The following TAFA1 variants were observed in gnomAD, a reference collection of about 807,000 sequenced individuals.
TAFA1 encodes TAFA chemokine like family member 1, also known as chemokine-like protein TAFA-1.
TAFA1 carries 4 observed loss-of-function variants against 18.5 expected under a neutral mutation model. That is an observed-to-expected ratio of 0.22 (90% CI 0.11 to 0.49). The LOEUF (loss-of-function observed/expected upper bound fraction) is 0.49, where lower values mean the gene tolerates loss of function less well. Among genes scored for constraint, TAFA1 ranks in the 20% least tolerant of loss-of-function variants. TAFA1 has a pLI of 0.98. For synonymous variants in TAFA1, 56 were observed against 55.2 expected, an observed-to-expected ratio of 1.01 and a Z score of -0.06; for missense variants, 147 against 169.0, an observed-to-expected ratio of 0.87 and a Z score of 0.72.
chr3:68,217,787 T>TA (rs11421425), intron 2 of TAFA1, among the ~76,000 whole-genome samples: 2,086 of 152,154 alleles, frequency 0.014, 56 homozygotes, highest in African/African-American at 0.047. Flanking sequence ...CCTTTATATG[T>TA]ATTGATTTAT....
intron 2 of TAFA1, among the ~76,000 whole-genome samples, chr3:68,374,622 C>T (rs2069772319): frequency 2.0e-5 from 3 of 152,166 alleles, no homozygotes; most frequent in Non-Finnish European, 4.4e-5. Flanking sequence ...TTTAAAACTC[C>T]TGTAACCATT....
chr3:68,295,586 A>G (rs1272261863), intron 2 of TAFA1, among the ~76,000 whole-genome samples: 1 of 152,090 alleles, frequency 6.6e-6, no homozygotes, highest in African/African-American at 2.4e-5. Flanking sequence ...TGCTTCATTG[A>G]CTTCACTGGT....
chr3:68,367,912 T>A (rs72626992), intron 2 of TAFA1, among the ~76,000 whole-genome samples: 10,240 of 152,260 alleles, frequency 0.067, 476 homozygotes, highest in East Asian at 0.23. Flanking sequence ...TTTGTGTAAC[T>A]AATGTTCAAC....
At chr3:68,248,341 T>C (rs2067124611) in intron 2 of TAFA1, among the ~76,000 whole-genome samples, 1 of 152,152 alleles carries the variant, frequency 6.6e-6, no homozygotes. Context: ...AACCAGTAAG[T>C]AGAAACACTT....
chr3:68,153,213 G>T (rs142967812), intron 2 of TAFA1, among the ~76,000 whole-genome samples: 8 of 152,292 alleles, frequency 5.3e-5, no homozygotes, highest in Non-Finnish European at 7.4e-5. Context: ...ACACGATCCA[G>T]TGCTCAACCA....
chr3:68,456,326 T>G (rs2106909375), intron 3 of TAFA1, among the ~76,000 whole-genome samples: 1 of 152,296 alleles, frequency 6.6e-6, no homozygotes, highest in African/African-American at 2.4e-5. Context: ...TGGTGCTTGC[T>G]TCTGTTCCTT....
chr3:68,236,220 G>A (rs572303831), intron 2 of TAFA1, among the ~76,000 whole-genome samples: 7 of 152,262 alleles, frequency 4.6e-5, no homozygotes, highest in Admixed American at 4.6e-4. Context: ...TGGACATTCT[G>A]AGCCATTTCA....
intron 3 of TAFA1, among the ~76,000 whole-genome samples, chr3:68,523,717 G>C (rs991434811): frequency 6.6e-6 from 1 of 152,190 alleles, no homozygotes; most frequent in African/African-American, 2.4e-5. Context: ...AGTGTATTAT[G>C]GAAAAGATTG....
intron 2 of TAFA1, among the ~76,000 whole-genome samples, chr3:68,222,928 C>T (rs1405993544): frequency 2.6e-5 from 4 of 152,164 alleles, no homozygotes; most frequent in African/African-American, 9.7e-5. Context: ...CCACCTTAGC[C>T]TCCCAAAGTG....
chr3:68,032,523 G>C (rs1222070486), intron 2 of TAFA1, among the ~76,000 whole-genome samples: 1 of 152,104 alleles, frequency 6.6e-6, no homozygotes, highest in Non-Finnish European at 1.5e-5. Context: ...AGTGCAAAAA[G>C]AATTACATCC....
intron 2 of TAFA1, among the ~76,000 whole-genome samples, chr3:68,013,897 A>T (rs1298991553): frequency 6.6e-6 from 1 of 152,198 alleles, no homozygotes; most frequent in Admixed American, 6.5e-5. Context: ...CTGCCTATTC[A>T]TTAAGCAGAT....
At chr3:68,164,673 C>T (rs992466313) in intron 2 of TAFA1, among the ~76,000 whole-genome samples, 22 of 126,234 alleles carry the variant, frequency 1.7e-4, no homozygotes, top group Non-Finnish European at 3.1e-4. Flanking sequence ...GAGGTAGTTA[C>T]ACGGGGAAGT....
At chr3:68,500,002 A>G (rs1021358949) in intron 3 of TAFA1, among the ~76,000 whole-genome samples, 1 of 152,074 alleles carries the variant, frequency 6.6e-6, no homozygotes, top group Non-Finnish European at 1.5e-5. Context: ...CATAGCCTCA[A>G]ATGATGCCAT....
intron 2 of TAFA1, among the ~76,000 whole-genome samples, chr3:68,067,351 C>T (rs1450802189): frequency 6.6e-6 from 1 of 152,070 alleles, no homozygotes; most frequent in Non-Finnish European, 1.5e-5. Context: ...TTCATAGTTT[C>T]TCACAAGCTT....
intron 3 of TAFA1, among the ~76,000 whole-genome samples, chr3:68,502,588 A>C (rs1051418239): frequency 4.7e-5 from 7 of 150,284 alleles, no homozygotes; most frequent in African/African-American, 1.7e-4. Flanking sequence ...ATAGCAGATT[A>C]TGAGAAATTA....
chr3:68,298,497 G>A (rs1320095137), intron 2 of TAFA1, among the ~76,000 whole-genome samples: 1 of 152,084 alleles, frequency 6.6e-6, no homozygotes, highest in Non-Finnish European at 1.5e-5. Context: ...TCCATAAAAG[G>A]AGGGACAAAA....
intron 2 of TAFA1, among the ~76,000 whole-genome samples, chr3:68,082,296 G>A (rs1575607041): frequency 6.6e-6 from 1 of 152,220 alleles, no homozygotes; most frequent in Admixed American, 6.5e-5. Context: ...GCTGGGAGCT[G>A]TAGACCGGAG....
At chr3:68,257,936 C>T (rs2067330661) in intron 2 of TAFA1, among the ~76,000 whole-genome samples, 1 of 152,014 alleles carries the variant, frequency 6.6e-6, no homozygotes, top group Non-Finnish European at 1.5e-5. Flanking sequence ...TATAAGGAAA[C>T]ATCAGAAAAA....
rs186039943 is a variant in TAFA1, at chr3:68,485,929, C to T, written c.260-52827C>T. Among the ~76,000 whole-genome samples the T allele has an allele frequency of 2.6e-4, 40 of 152,122 alleles. No individual in the cohort carries two copies. The East Asian group carries it at 7.0e-3, about 27-fold the overall frequency. ...CAGTAAAATGGAGAACTTTCCTTCA[C>T]TGATAATTTTATTTTTTTAAAATGT... On this transcript the variant is annotated intron_variant, in intron 3 of 4. Coordinates refer to ENST00000478136, the MANE Select transcript of TAFA1 (RefSeq NM_213609.4).
Sources: allele counts gnomAD v4.1 joint callset (sites outside exome capture counted in the v4.1 genomes callset), GRCh38; gene constraint gnomAD v4.1.1; transcripts MANE v1.5; gene names NCBI Gene and HGNC (gene_info 2026-07-23, HGNC 2026-07-21).